Variants in CSF1R observed in about 807,000 individuals in gnomAD.
The protein encoded by CSF1R is colony stimulating factor 1 receptor.
A neutral mutation model predicts 110.0 loss-of-function variants in CSF1R; 40 were observed. That is an observed-to-expected ratio of 0.36 (90% confidence interval 0.28 to 0.47). CSF1R has a LOEUF of 0.47. CSF1R is among the 20% of genes least tolerant of loss of function. The pLI is 0.99. For missense variants in CSF1R, 1,052 were observed against 1,253.0 expected (o/e 0.84, Z 2.42); for synonymous variants, 523 against 503.4 (o/e 1.04, Z -0.52).
At position 150,058,315 on chromosome 5, in the gene CSF1R, G is replaced by A. The variant is rs1158622235; in HGVS notation, c.2133-723C>T. 10 of 456,166 alleles carry A rather than the reference G, an allele frequency of 2.2e-5. No individual in the cohort carries two copies. The Admixed American group carries it at 2.4e-4, about 11-fold the overall frequency. The allele number at this position is 456,166 out of a possible 1,614,324, so 28.3% of individuals were successfully genotyped here. ...GGTAGAGAATTTGAGAAGCACTACT[G>A]TAGACTGAAGCACTACTGCTCCTAA... On this transcript the variant is annotated intron_variant, in intron 14 of 20. Coordinates refer to ENST00000675795, the MANE Select transcript of CSF1R (RefSeq NM_001288705.3).
chr5:150,088,034 C>A (rs1758912576), upstream of CSF1R, among the ~76,000 whole-genome samples: 3 of 152,142 alleles, frequency 2.0e-5, no homozygotes, highest in Admixed American at 2.0e-4. Context: ...CTATACCCAG[C>A]CTAAAGTTCC....
chr5:150,108,633 A>G (rs1194667930), intron 1 of CSF1R, among the ~76,000 whole-genome samples: 2 of 152,324 alleles, frequency 1.3e-5, no homozygotes, highest in Non-Finnish European at 2.9e-5. Flanking sequence ...AGGGGAAAAA[A>G]GGGACTTAGA....
intron 1 of CSF1R, among the ~76,000 whole-genome samples, chr5:150,084,397 A>C (rs1352876693): frequency 2.4e-5 from 1 of 41,496 alleles, no homozygotes; most frequent in Non-Finnish European, 4.7e-5. Flanking sequence ...GAAAGAAGGA[A>C]GGAAGGAAGG....
At chr5:150,099,530 T>C (rs949161048) in intron 1 of CSF1R, among the ~76,000 whole-genome samples, 1 of 152,200 alleles carries the variant, frequency 6.6e-6, no homozygotes, top group African/African-American at 2.4e-5. Context: ...ATCCATACAA[T>C]AGAACGCTAC....
chr5:150,063,726 G>C (rs1404283973), intron 10 of CSF1R, among the ~76,000 whole-genome samples: 1 of 152,094 alleles, frequency 6.6e-6, no homozygotes, highest in Non-Finnish European at 1.5e-5. Context: ...CCATGCTAAG[G>C]GTTGCCCACA....
intron 1 of CSF1R, among the ~76,000 whole-genome samples, chr5:150,083,505 G>A (rs914828480): frequency 1.3e-5 from 2 of 151,706 alleles, no homozygotes; most frequent in Admixed American, 1.3e-4. Context: ...ACCATCCCCA[G>A]TCTCCTCACA....
At chr5:150,058,082 A>T (rs1757332964) in intron 14 of CSF1R, 1 of 384,098 alleles carries the variant, frequency 2.6e-6, no homozygotes, top group Non-Finnish European at 5.2e-6. Context: ...TCATTCACAG[A>T]TTTAAATCTC....
At chr5:150,079,362 C>T (rs772786108) in intron 3 of CSF1R, among the ~76,000 whole-genome samples, 1 of 152,228 alleles carries the variant, frequency 6.6e-6, no homozygotes, top group Non-Finnish European at 1.5e-5. Flanking sequence ...GTCTCAAGCC[C>T]AGGTCCTCAG....
At position 150,093,182 on chromosome 5, in the gene CSF1R, G is replaced by C. The variant is rs762263579; in HGVS notation, c.-180-6575C>G. ...CAACTTCCACCTCCCAGGTTCAAGC[G>C]ATTCTCACGCATCAGCCTCCCAAGT... is the stretch of plus-strand genomic sequence containing the variant. On this transcript the variant is annotated intron_variant, in intron 1 of 21. Coordinates refer to the CSF1R transcript ENST00000286301. Among the ~76,000 whole-genome samples the C allele has an allele frequency of 3.3e-5, 5 of 152,240 alleles. No homozygotes were observed. The South Asian group carries it at 1.0e-3, about 32-fold the overall frequency.
chr5:150,083,400 A>T (rs1216857515), intron 1 of CSF1R, among the ~76,000 whole-genome samples: 6 of 132,898 alleles, frequency 4.5e-5, no homozygotes, highest in Admixed American at 3.0e-4. Context: ...ACACACACAC[A>T]CTGCACACTA....
Position 150,059,549 on chromosome 5 carries a change from C to A in CSF1R, c.2132+151G>T, listed in dbSNP as rs1757405770. ...AGAGAAACAAGAGATGGCCATAAAA[C>A]CTGTGGTGGCTACTTCCCATGACAC... On this transcript the variant is annotated intron_variant, in intron 14 of 20. Coordinates refer to ENST00000675795, the MANE Select transcript of CSF1R (RefSeq NM_001288705.3). 5 of 842,760 alleles carry A rather than the reference C, an allele frequency of 5.9e-6. 1 individual carries two copies. Among genetic ancestry groups the A allele is most frequent in the African/African-American group, 5.1e-5 (3 of 58,906 alleles). The allele number at this position is 842,760 out of a possible 1,614,324, so 52.2% of individuals were successfully genotyped here. A position where few individuals can be genotyped will look rare whatever the true frequency, so the allele number is the denominator to read the frequency against.
At chr5:150,081,591 G>A (rs1758547089) in intron 1 of CSF1R, among the ~76,000 whole-genome samples, 1 of 152,166 alleles carries the variant, frequency 6.6e-6, no homozygotes, top group Non-Finnish European at 1.5e-5. Context: ...GAGGTGCCAT[G>A]CCTCAGTTTC....
At chr5:150,070,412 T>A (rs2113809719) in intron 7 of CSF1R, 44 bp downstream of exon 7, 1 of 1,560,780 alleles carries the variant, frequency 6.4e-7, no homozygotes, top group Non-Finnish European at 8.7e-7. Context: ...CTCCAGGCAG[T>A]CCCAGGGCCT....
At chr5:150,066,838 G>A (rs573390643) in intron 10 of CSF1R, among the ~76,000 whole-genome samples, 2 of 152,162 alleles carry the variant, frequency 1.3e-5, no homozygotes, top group Non-Finnish European at 2.9e-5. Flanking sequence ...GGACCGACAG[G>A]GTGGGGTCCA....
intron 9 of CSF1R, among the ~76,000 whole-genome samples, 184 bp from the exon 10 acceptor site, chr5:150,068,514 C>T (rs958409110): frequency 2.0e-5 from 3 of 152,168 alleles, no homozygotes; most frequent in African/African-American, 4.8e-5. Context: ...GCAGAGAGGA[C>T]GGCCTCTTCA....
chr5:150,055,870 C>T (rs189862188), intron 18 of CSF1R, among the ~76,000 whole-genome samples, 156 bp downstream of exon 18: 3 of 152,344 alleles, frequency 2.0e-5, no homozygotes, highest in East Asian at 1.9e-4. Context: ...TGCCGAGTCC[C>T]GCAGGAGCCA....
intron 14 of CSF1R, 96 bp downstream of exon 14, chr5:150,059,604 C>G: frequency 2.7e-6 from 4 of 1,457,074 alleles, no homozygotes; most frequent in Non-Finnish European, 2.8e-6. Context: ...CATAGCCACC[C>G]ATTCATGAGC....
intron 14 of CSF1R, chr5:150,058,341 C>T (rs1205093655): frequency 2.8e-5 from 13 of 456,232 alleles, no homozygotes; most frequent in South Asian, 2.0e-4. Context: ...CTGCTCCTAA[C>T]GTTCCAGCCA....
chr5:150,059,625 T>A, intron 14 of CSF1R, 75 bp downstream of exon 14: 1 of 1,567,196 alleles, frequency 6.4e-7, no homozygotes, highest in Non-Finnish European at 8.7e-7. Context: ...CATCCAACCC[T>A]GAGCTGGCTT....
Sources: allele counts gnomAD v4.1 joint callset (sites outside exome capture counted in the v4.1 genomes callset), GRCh38; gene constraint gnomAD v4.1.1; transcripts MANE v1.5; gene names NCBI Gene and HGNC (gene_info 2026-07-23, HGNC 2026-07-21).